The following GLIS3 variants were observed in gnomAD, a reference collection of about 807,000 sequenced individuals.
GLIS3 encodes zinc finger protein GLIS3.
GLIS3 carries 53 observed loss-of-function variants against 78.6 expected under a neutral mutation model. The ratio of observed to expected loss-of-function variants is 0.67; its 90% CI spans 0.54 to 0.85. GLIS3 has a LOEUF of 0.85. GLIS3 is among the 40% of genes least tolerant of loss of function. The pLI is 0.00. For synonymous variants in GLIS3, 684 were observed against 509.9 expected (o/e 1.34, Z -4.60); for missense variants, 1,703 against 1,231.1 (o/e 1.38, Z -5.74).
intron 2 of GLIS3, among the ~76,000 whole-genome samples, chr9:4,265,217 G>T (rs1344339222): frequency 6.6e-6 from 1 of 151,730 alleles, no homozygotes; most frequent in African/African-American, 2.4e-5. Context: ...CCTTCACAAG[G>T]TCTACATCTG....
intron 4 of GLIS3, among the ~76,000 whole-genome samples, chr9:4,020,321 G>C (rs1005579486): frequency 3.9e-5 from 6 of 151,974 alleles, no homozygotes; most frequent in African/African-American, 1.5e-4. Context: ...GTTTTGTTTT[G>C]TTTTTTTCTT....
chr9:3,828,329 C>T lies in GLIS3; in HGVS notation c.2736G>A (p.Gln912=). 1 of 1,614,108 alleles carries T rather than the reference C, an allele frequency of 6.2e-7. No individual in the cohort carries two copies. Among genetic ancestry groups the T allele is most frequent in the East Asian group, 2.2e-5 (1 of 44,884 alleles). Residue 912 remains glutamine (Q), a synonymous_variant, in exon 11 of 11, where the codon CAG becomes CAA. Transcript: ENST00000381971. ...TAGGACAGCGGTCCACGGTGCTGAT[C>T]TGCAAGAAGGTAGCATCTTCAGCCC... ...RSGAEDATFL[Q]ISTVDRCPSQ... is the part of the protein sequence containing the mutation.
At chr9:4,157,559 T>G (rs988181814) in intron 2 of GLIS3, among the ~76,000 whole-genome samples, 2 of 152,202 alleles carry the variant, frequency 1.3e-5, no homozygotes, top group Non-Finnish European at 1.5e-5. Context: ...ACATAGAGGC[T>G]TAAATCAAGT....
the GLIS3 span, among the ~76,000 whole-genome samples, chr9:4,469,674 G>C: frequency 6.6e-6 from 1 of 152,136 alleles, no homozygotes; most frequent in Non-Finnish European, 1.5e-5. Context: ...ATGCCCACAA[G>C]AGAAAGCAGG....
intron 2 of GLIS3, among the ~76,000 whole-genome samples, chr9:4,188,721 A>T (rs1457492066): frequency 2.0e-5 from 3 of 152,146 alleles, no homozygotes; most frequent in South Asian, 2.1e-4. Flanking sequence ...TGGTTTAGTC[A>T]TGGGAGGGTG....
chr9:4,413,487 C>G, the GLIS3 span, among the ~76,000 whole-genome samples: 33 of 152,244 alleles, frequency 2.2e-4, no homozygotes, highest in Admixed American at 1.8e-3. Context: ...TATTTTTCAG[C>G]TGTGTATTGT....
At chr9:4,181,612 G>A (rs1586899992) in intron 2 of GLIS3, among the ~76,000 whole-genome samples, 1 of 152,218 alleles carries the variant, frequency 6.6e-6, no homozygotes, top group South Asian at 2.1e-4. Context: ...AGTCTGCCAT[G>A]CACATGCAAG....
At chr9:4,304,797 G>A (rs992344808), upstream of GLIS3, among the ~76,000 whole-genome samples, 8 of 152,058 alleles carry the variant, frequency 5.3e-5, no homozygotes, top group Admixed American at 2.0e-4. Flanking sequence ...CCTGCAAAGG[G>A]GTTTGAAAAA....
At chr9:4,213,744 A>G (rs1055167848) in intron 2 of GLIS3, among the ~76,000 whole-genome samples, 4 of 152,172 alleles carry the variant, frequency 2.6e-5, no homozygotes, top group African/African-American at 9.7e-5. Context: ...TTGGGAATTA[A>G]TGCATAATAT....
chr9:4,191,216 C>T (rs1286242322), intron 2 of GLIS3, among the ~76,000 whole-genome samples: 1 of 151,502 alleles, frequency 6.6e-6, no homozygotes, highest in Non-Finnish European at 1.5e-5. Context: ...ACTAAATGCT[C>T]CAATTAAAAG....
intron 4 of GLIS3, among the ~76,000 whole-genome samples, chr9:4,062,771 C>T (rs1160061043): frequency 1.3e-5 from 2 of 151,518 alleles, no homozygotes; most frequent in Admixed American, 6.6e-5. Flanking sequence ...ACTAAAAATA[C>T]AAAAAAAATT....
chr9:4,355,046 G>A, the GLIS3 span, among the ~76,000 whole-genome samples: 3 of 151,538 alleles, frequency 2.0e-5, no homozygotes, highest in African/African-American at 7.3e-5. Context: ...AACCCTGGAG[G>A]CTTGAACCCG....
At position 4,123,885 on chromosome 9, in the gene GLIS3, A is replaced by C. The variant is rs77905006; in HGVS notation, c.596+1849T>G. The C allele has an allele frequency of 1.6e-3, 624 of 397,754 alleles. 4 individuals are homozygous for C. In the East Asian group the frequency reaches 0.021, roughly 13 times the overall value. 24.6% of individuals were successfully genotyped at this position (397,754 alleles called of 1,614,324 possible). ...ATTACATCTTCAGGAAAAACAATAC[A>C]TTTTGCAGCTTTTCATAGGGCAGCA... On this transcript the variant is annotated intron_variant, in intron 3 of 10. Coordinates refer to ENST00000381971, the MANE Select transcript of GLIS3 (RefSeq NM_001042413.2).
chr9:3,939,737 T>G (rs540177291), intron 4 of GLIS3, among the ~76,000 whole-genome samples: 13 of 152,304 alleles, frequency 8.5e-5, no homozygotes, highest in Admixed American at 1.3e-4. Flanking sequence ...ATGAAGGGTT[T>G]GACCTCATTA....
chr9:4,452,294 T>C, the GLIS3 span, among the ~76,000 whole-genome samples: 1 of 152,122 alleles, frequency 6.6e-6, no homozygotes, highest in African/African-American at 2.4e-5. Flanking sequence ...ACCACCCTTA[T>C]TCAACATAGT....
intron 2 of GLIS3, among the ~76,000 whole-genome samples, chr9:4,195,848 T>C (rs572966254): frequency 1.3e-5 from 2 of 152,244 alleles, no homozygotes; most frequent in South Asian, 2.1e-4. Context: ...CAGTGTTCTG[T>C]GTCTAGCTAA....
At chr9:4,295,320 G>C (rs1164842471) in intron 1 of GLIS3, among the ~76,000 whole-genome samples, 2 of 152,178 alleles carry the variant, frequency 1.3e-5, no homozygotes, top group African/African-American at 4.8e-5. Flanking sequence ...ACTTGTGTCT[G>C]TTTGGTCTCC....
chr9:4,007,142 A>T (rs1336770090), intron 4 of GLIS3, among the ~76,000 whole-genome samples: 3 of 152,212 alleles, frequency 2.0e-5, no homozygotes, highest in African/African-American at 7.2e-5. Flanking sequence ...TACCCACTGC[A>T]CATCCAAACA....
chr9:4,047,185 A>C (rs140137234), intron 4 of GLIS3, among the ~76,000 whole-genome samples: 8 of 152,160 alleles, frequency 5.3e-5, no homozygotes, highest in African/African-American at 1.7e-4. Flanking sequence ...TGGTTTCACA[A>C]GGGGCTCTTC....
Sources: gnomAD v4.1 joint callset for allele counts (sites outside exome capture counted in the v4.1 genomes callset) on GRCh38, gnomAD v4.1.1 for gene constraint, MANE v1.5 for transcripts, NCBI Gene and HGNC (gene_info 2026-07-23, HGNC 2026-07-21) for gene names.